MEI1: variants seen among roughly 807,000 people sequenced by gnomAD.
MEI1 encodes the protein meiotic double-stranded break formation protein 1.
Under a neutral mutation model 146.2 loss-of-function variants are expected in MEI1, and 103 were observed. The ratio of observed to expected loss-of-function variants is 0.70; its 90% CI spans 0.60 to 0.83. The LOEUF (loss-of-function observed/expected upper bound fraction) is 0.83. Ranked by LOEUF, MEI1 falls within the 40% of genes least tolerant of loss-of-function variation. MEI1 has a pLI of 0.00. For missense variants in MEI1, 1,529 were observed against 1,533.0 expected, an observed-to-expected ratio of 1.00 and a Z score of 0.04; for synonymous variants, 652 against 628.2, an observed-to-expected ratio of 1.04 and a Z score of -0.57.
chr22:41,747,052 A>T (rs931969454), intron 14 of MEI1, among the ~76,000 whole-genome samples: 1 of 150,974 alleles, frequency 6.6e-6, no homozygotes, highest in Non-Finnish European at 1.5e-5. Context: ...TTACTTTTAT[A>T]ATAATAATAA....
At chr22:41,770,238 G>A (rs2075098198) in intron 19 of MEI1, among the ~76,000 whole-genome samples, 1 of 152,080 alleles carries the variant, frequency 6.6e-6, no homozygotes, top group African/African-American at 2.4e-5. Context: ...CTACCCTCAA[G>A]CAGCTTTCAG....
chr22:41,759,778 A>C (rs1007774922), intron 18 of MEI1, among the ~76,000 whole-genome samples: 7 of 150,866 alleles, frequency 4.6e-5, no homozygotes, highest in African/African-American at 1.7e-4. Flanking sequence ...GGAGTGAGCC[A>C]AGCTCATGCC....
At chr22:41,756,876 A>G (rs1238348839) in intron 17 of MEI1, among the ~76,000 whole-genome samples, 1 of 152,220 alleles carries the variant, frequency 6.6e-6, no homozygotes, top group African/African-American at 2.4e-5. Flanking sequence ...CCAATTCCTT[A>G]AGTGGCATTT....
intron 11 of MEI1, among the ~76,000 whole-genome samples, chr22:41,736,241 CT>C (rs1278075897): frequency 1.4e-5 from 2 of 140,114 alleles, no homozygotes; most frequent in South Asian, 4.5e-4. Flanking sequence ...AAATTTTTTT[CT>C]TTTTTCTTTT....
chr22:41,730,853 C>T (rs533464959), intron 9 of MEI1, among the ~76,000 whole-genome samples: 3 of 152,186 alleles, frequency 2.0e-5, no homozygotes, highest in South Asian at 2.1e-4. Flanking sequence ...TATGTTTAGA[C>T]GCTTCAGCAA....
At chr22:41,793,282 GC>G (rs1209699537) in intron 26 of MEI1, among the ~76,000 whole-genome samples, 3 of 151,884 alleles carry the variant, frequency 2.0e-5, no homozygotes, top group Admixed American at 6.6e-5. Flanking sequence ...CACCCGCTCA[GC>G]CTCCCAAAGT....
In MEI1 at chr22:41,781,728, G is replaced by A; in HGVS notation, c.2970G>A (p.Leu990=). Residue 990 remains leucine (L), a synonymous_variant, in exon 24 of 31, where the codon CTG becomes CTA. Transcript: ENST00000401548. The part of the protein sequence containing the change: ...LLSSTGLMEL[L]EKMLALTLAK... Reference sequence around the variant, plus strand: ...GCAGCACAGGCCTGATGGAGCTTCTGGAGAAGATGCTGGCCCTCACCTTGG... The same window carrying A: ...GCAGCACAGGCCTGATGGAGCTTCTAGAGAAGATGCTGGCCCTCACCTTGG... 6 of 1,613,866 alleles carry A rather than the reference G, an allele frequency of 3.7e-6. No homozygotes were observed. The highest frequency in any genetic ancestry group is 5.1e-6 in the Non-Finnish European group (6 of 1,179,896).
chr22:41,786,425 G>T (rs1345142033), intron 26 of MEI1, among the ~76,000 whole-genome samples: 1 of 152,160 alleles, frequency 6.6e-6, no homozygotes, highest in African/African-American at 2.4e-5. Flanking sequence ...GGTCAATACT[G>T]GCTTCAGGCA....
intron 2 of MEI1, among the ~76,000 whole-genome samples, chr22:41,705,172 A>G (rs981249838): frequency 1.5e-5 from 2 of 133,672 alleles, no homozygotes; most frequent in Non-Finnish European, 3.2e-5. Flanking sequence ...ACTCTTAACC[A>G]CTCCTTTTTT....
rs544648709 is a variant in MEI1, at chr22:41,716,103, G to A, written c.486G>A (p.Val162=). Residue 162 remains valine, a synonymous_variant, in exon 5 of 31, where the codon GTG becomes GTA. Coordinates refer to ENST00000401548, the MANE Select transcript of MEI1 (RefSeq NM_152513.4). ...LATLTLLGKL[V]DAIPALADEL... ...CCCTGACCCTTCTTGGCAAGTTGGT[G>A]GATGCCATCCCTGCTCTGGCAGACG... is the stretch of plus-strand genomic sequence containing the variant. 9.9e-6 allele frequency: 16 copies of A among 1,611,820 alleles called. No homozygotes were observed. In the Admixed American group the frequency reaches 2.7e-4, roughly 27 times the overall value.
intron 11 of MEI1, among the ~76,000 whole-genome samples, chr22:41,733,608 C>T (rs2072059702): frequency 6.6e-6 from 1 of 151,260 alleles, no homozygotes; most frequent in Admixed American, 6.6e-5. Context: ...CTTAACTGGG[C>T]ATGATGGCGC....
chr22:41,722,527 G>A (rs1601743522), intron 6 of MEI1, among the ~76,000 whole-genome samples: 1 of 121,656 alleles, frequency 8.2e-6, no homozygotes, highest in South Asian at 2.6e-4. Context: ...AGCTGTTTAT[G>A]GTCTAATCCT....
chr22:41,720,595 C>T (rs1373051128), intron 6 of MEI1, among the ~76,000 whole-genome samples: 5 of 86,376 alleles, frequency 5.8e-5, no homozygotes, highest in African/African-American at 2.3e-4. Flanking sequence ...ATGCCTGGCT[C>T]AATTTTTTTT....
Position 41,763,241 on chromosome 22 carries a change from G to A in MEI1, c.2188G>A (p.Glu730Lys), listed in dbSNP as rs756476711. 11 of 1,613,812 alleles carry A rather than the reference G, an allele frequency of 6.8e-6. No individual in the cohort carries two copies. The Admixed American group carries it at 1.3e-4, about 20-fold the overall frequency. The change falls in exon 19 of 31, where the codon GAG becomes AAG. Residue 730 changes from glutamate to lysine, a missense_variant. This residue lies in a region of MEI1 where 1,212 missense variants were observed against 1,178.9 expected (regional missense o/e 1.03). Coordinates refer to ENST00000401548, the MANE Select transcript of MEI1 (RefSeq NM_152513.4). Reference sequence around the variant, plus strand: ...CCTCCTGTCGCTGCAGGACCAGGGCGAGCGCCCCCCACTGGTGGTCTTCAA... The same window carrying A: ...CCTCCTGTCGCTGCAGGACCAGGGCAAGCGCCCCCCACTGGTGGTCTTCAA... ...SFLLSLQDQGERPPLVVFKAS... is the reference protein window; with the variant it reads ...SFLLSLQDQGKRPPLVVFKAS...
At chr22:41,742,724 T>G (rs2072985063) in intron 11 of MEI1, among the ~76,000 whole-genome samples, 1 of 152,160 alleles carries the variant, frequency 6.6e-6, no homozygotes, top group Admixed American at 6.6e-5. Context: ...TGATCACGGC[T>G]CACTGCAGCT....
At chr22:41,704,528 C>G (rs1415017847) in intron 2 of MEI1, among the ~76,000 whole-genome samples, 4 of 151,678 alleles carry the variant, frequency 2.6e-5, no homozygotes, top group Non-Finnish European at 5.9e-5. Context: ...ATTCTCCTGT[C>G]TCAGCCTCCC....
intron 6 of MEI1, among the ~76,000 whole-genome samples, chr22:41,721,845 C>G (rs1022591192): frequency 5.3e-5 from 8 of 150,428 alleles, no homozygotes; most frequent in Non-Finnish European, 1.2e-4. Context: ...CACAGCCTCC[C>G]GAGTAGCTGG....
At chr22:41,735,075 C>T (rs145828804) in intron 11 of MEI1, among the ~76,000 whole-genome samples, 1,548 of 151,984 alleles carry the variant, frequency 0.01, 28 homozygotes, top group African/African-American at 0.036. Context: ...CATTCTCCTG[C>T]CTCAGCCTTT....
chr22:41,721,700 C>G (rs994054251), intron 6 of MEI1, among the ~76,000 whole-genome samples: 1 of 149,070 alleles, frequency 6.7e-6, no homozygotes, highest in African/African-American at 2.5e-5. Context: ...GCCAGAATTC[C>G]CGTTTTTAAA....
Sources: allele counts gnomAD v4.1 joint callset (sites outside exome capture counted in the v4.1 genomes callset), GRCh38; gene constraint gnomAD v4.1.1; regional missense constraint gnomAD v4.1.1; transcripts MANE v1.5; gene names NCBI Gene and HGNC (gene_info 2026-07-23, HGNC 2026-07-21).